CORIN: variants seen among roughly 807,000 people sequenced by gnomAD.
The protein encoded by CORIN is atrial natriuretic peptide-converting enzyme.
A neutral mutation model predicts 125.3 loss-of-function variants in CORIN; 117 were observed. That is an observed-to-expected ratio of 0.93 (90% CI 0.80 to 1.09). The LOEUF (loss-of-function observed/expected upper bound fraction) is 1.09, where lower values mean the gene tolerates loss of function less well. Among genes scored for constraint, CORIN ranks in the 50% least tolerant of loss-of-function variants. The pLI, the probability that CORIN is intolerant of heterozygous loss-of-function variation, is 0.00. For missense variants in CORIN, 1,253 were observed against 1,306.7 expected (o/e 0.96, Z 0.63); for synonymous variants, 450 against 466.4 (o/e 0.96, Z 0.45).
chr4:47,707,252 T>G (rs1440720319), intron 5 of CORIN, among the ~76,000 whole-genome samples: 2 of 152,176 alleles, frequency 1.3e-5, no homozygotes, highest in African/African-American at 4.8e-5. Flanking sequence ...TATAATAGGC[T>G]TAATAAATTC....
At chr4:47,642,914 C>A (rs1259506617) in intron 15 of CORIN, 3 of 1,507,158 alleles carry the variant, frequency 2.0e-6, no homozygotes, top group Non-Finnish European at 1.8e-6. Flanking sequence ...CATTTTGAAC[C>A]CAAACGTTTT....
chr4:47,725,568 T>C (rs757050757), intron 5 of CORIN, among the ~76,000 whole-genome samples: 3 of 152,006 alleles, frequency 2.0e-5, no homozygotes, highest in Non-Finnish European at 2.9e-5. Flanking sequence ...TGGACATCCA[T>C]TTGGAAAAGG....
intron 5 of CORIN, among the ~76,000 whole-genome samples, 159 bp downstream of exon 5, chr4:47,744,240 ATGT>A (rs149330314): frequency 0.097 from 14,730 of 152,104 alleles, 825 homozygotes; most frequent in East Asian, 0.27. Flanking sequence ...ATTTCTGGGG[ATGT>A]TGTTAATATT....
chr4:47,788,451 A>G (rs1316237224), intron 2 of CORIN, among the ~76,000 whole-genome samples: 2 of 152,188 alleles, frequency 1.3e-5, no homozygotes, highest in Non-Finnish European at 2.9e-5. Context: ...AATGCGGGTA[A>G]CATGCTCTCC....
chr4:47,780,298 G>A (rs1023212665), intron 3 of CORIN, among the ~76,000 whole-genome samples: 2 of 151,972 alleles, frequency 1.3e-5, no homozygotes, highest in African/African-American at 4.8e-5. Flanking sequence ...ATACATATTT[G>A]GCTATTAGGT....
At position 47,623,096 on chromosome 4, in the gene CORIN, C is replaced by CTATATA. The variant is rs1553904935; in HGVS notation, c.2540+469_2540+474dup. 3.8e-3 allele frequency among the ~76,000 whole-genome samples: 385 copies of CTATATA among 102,256 alleles called. 3 individuals are homozygous for CTATATA. The highest frequency in any genetic ancestry group is 8.7e-3 in the South Asian group (23 of 2,648). The allele number at this position is 102,256 out of a possible 152,430, so 67.1% of individuals were successfully genotyped here. A position where few individuals can be genotyped will look rare whatever the true frequency, so the allele number is the denominator to read the frequency against. On this transcript the variant is annotated intron_variant, in intron 19 of 21. Transcript: ENST00000273857. ...TCTCTCTCTCTCTCTCTCTCTCTCT[C>CTATATA]TATATATATATATATATATATACAC... is the stretch of plus-strand genomic sequence containing the variant.
chr4:47,738,065 A>C (rs1331206473), intron 5 of CORIN, among the ~76,000 whole-genome samples: 1 of 152,188 alleles, frequency 6.6e-6, no homozygotes, highest in Non-Finnish European at 1.5e-5. Flanking sequence ...GGGGCAAACA[A>C]GAAGCTAACC....
chr4:47,804,708 A>G (rs1731690016), intron 2 of CORIN, among the ~76,000 whole-genome samples: 1 of 36,478 alleles, frequency 2.7e-5, no homozygotes, highest in Non-Finnish European at 5.1e-5. Flanking sequence ...TCAGAGGCTG[A>G]GGCTGGGAAG....
chr4:47,628,734 C>T (rs951257994), intron 16 of CORIN, among the ~76,000 whole-genome samples: 1 of 152,004 alleles, frequency 6.6e-6, no homozygotes, highest in African/African-American at 2.4e-5. Context: ...CTGTGCTTGG[C>T]GTATTTCACT....
At chr4:47,686,884 C>G (rs1403348992) in intron 6 of CORIN, among the ~76,000 whole-genome samples, 8 of 152,186 alleles carry the variant, frequency 5.3e-5, no homozygotes, top group Admixed American at 5.2e-4. Flanking sequence ...ATACCCCTTT[C>G]AGAATCTGAT....
intron 13 of CORIN, 70 bp from the exon 14 acceptor site, chr4:47,645,264 A>G (rs1017156293): frequency 1.0e-6 from 1 of 1,002,356 alleles, no homozygotes. Context: ...CAATCAATGT[A>G]GAAAAATTAC....
At chr4:47,715,766 G>A (rs1350877754) in intron 5 of CORIN, among the ~76,000 whole-genome samples, 2 of 152,194 alleles carry the variant, frequency 1.3e-5, no homozygotes, top group African/African-American at 4.8e-5. Flanking sequence ...AAGATCTCAT[G>A]GAGGAAGGTG....
intron 5 of CORIN, among the ~76,000 whole-genome samples, chr4:47,697,448 G>T (rs568701535): frequency 1.3e-5 from 2 of 152,124 alleles, no homozygotes; most frequent in African/African-American, 4.8e-5. Context: ...GTGCAGTGCC[G>T]CATGCCTGTA....
chr4:47,779,378 TC>T (rs1229216239), intron 3 of CORIN, among the ~76,000 whole-genome samples: 1 of 152,058 alleles, frequency 6.6e-6, no homozygotes, highest in Non-Finnish European at 1.5e-5. Context: ...TGAGTAGTAA[TC>T]CAGGTAAAAC....
At chr4:47,700,946 T>G (rs1309171696) in intron 5 of CORIN, among the ~76,000 whole-genome samples, 1 of 152,240 alleles carries the variant, frequency 6.6e-6, no homozygotes, top group Non-Finnish European at 1.5e-5. Flanking sequence ...CACTTTTTTT[T>G]GTTTTGTCTT....
At position 47,792,196 on chromosome 4, in the gene CORIN, G is replaced by A. The variant is rs1174186135; in HGVS notation, c.209-5271C>T. The stretch of plus-strand genomic sequence containing the variant: ...AGCCAAGGGAAAAACATATGAAAAG[G>A]CCCAGCAGCAAGTAATTTAAAAACA... On this transcript the variant is annotated intron_variant, in intron 2 of 21. Transcript: ENST00000273857. Among the ~76,000 whole-genome samples, 7 of 152,102 alleles carry A rather than the reference G, an allele frequency of 4.6e-5. No individual in the cohort carries two copies. The East Asian group carries it at 1.2e-3, about 25-fold the overall frequency.
rs148003008 is a variant in CORIN, at chr4:47,718,550, C to T, written c.800-25467G>A. Among the ~76,000 whole-genome samples the T allele has an allele frequency of 1.3e-4, 20 of 152,248 alleles. No individual in the cohort carries two copies. In the East Asian group the frequency reaches 3.9e-3, roughly 29 times the overall value. On this transcript the variant is annotated intron_variant, in intron 5 of 21. Coordinates refer to ENST00000273857, the MANE Select transcript of CORIN (RefSeq NM_006587.4). ...TTGTCATTGTTATTACTATAAGAAC[C>T]TTGATTTTAGCAGATGACAGTTGTC...
At chr4:47,787,760 C>T (rs1730886379) in intron 2 of CORIN, among the ~76,000 whole-genome samples, 1 of 152,248 alleles carries the variant, frequency 6.6e-6, no homozygotes, top group African/African-American at 2.4e-5. Flanking sequence ...ATACACTGCA[C>T]CTAACTTGTA....
At chr4:47,739,922 G>A (rs757865423) in intron 5 of CORIN, among the ~76,000 whole-genome samples, 7 of 151,428 alleles carry the variant, frequency 4.6e-5, no homozygotes, top group Admixed American at 1.3e-4. Flanking sequence ...CAACCAATAA[G>A]AATAACTAAA....
Sources: allele counts gnomAD v4.1 joint callset (sites outside exome capture counted in the v4.1 genomes callset), GRCh38; gene constraint gnomAD v4.1.1; transcripts MANE v1.5; gene names NCBI Gene and HGNC (gene_info 2026-07-23, HGNC 2026-07-21).